KCMF1: variants seen among roughly 807,000 people sequenced by gnomAD.
KCMF1 encodes E3 ubiquitin-protein ligase KCMF1.
In KCMF1, 3 loss-of-function variants were observed where a neutral mutation model predicts 41.1. The observed-to-expected ratio is 0.07, with a 90% CI of 0.03 to 0.19. The LOEUF (loss-of-function observed/expected upper bound fraction) is 0.19, where lower values mean the gene tolerates loss of function less well. KCMF1 is among the 10% of genes least tolerant of loss of function. The probability of loss-of-function intolerance (pLI) is 1.00; values close to 1 mark genes in which losing one functional copy is unlikely to be tolerated. For synonymous variants in KCMF1, 142 were observed against 164.5 expected (o/e 0.86, Z 1.04); for missense variants, 286 against 488.9 (o/e 0.58, Z 3.91).
intron 1 of KCMF1, among the ~76,000 whole-genome samples, chr2:84,982,952 G>A (rs888732694): frequency 6.6e-5 from 10 of 152,300 alleles, no homozygotes; most frequent in South Asian, 2.1e-4. Context: ...TGATAAGAAC[G>A]TCAAGTGACA....
intron 1 of KCMF1, among the ~76,000 whole-genome samples, chr2:85,017,181 C>T (rs1674793177): frequency 6.6e-6 from 1 of 152,072 alleles, no homozygotes; most frequent in East Asian, 1.9e-4. Flanking sequence ...CCCGCCACTG[C>T]GCCCGGCTAA....
intron 3 of KCMF1, among the ~76,000 whole-genome samples, chr2:85,041,131 G>A (rs776939159): frequency 6.6e-6 from 1 of 152,070 alleles, no homozygotes; most frequent in Non-Finnish European, 1.5e-5. Flanking sequence ...CTTATCCTCA[G>A]TAATTCTTTA....
chr2:85,053,386 G>A lies in KCMF1; in HGVS notation c.1123G>A (p.Glu375Lys). 1 of 1,612,872 alleles carries A rather than the reference G, an allele frequency of 6.2e-7. No individual in the cohort carries two copies. Among genetic ancestry groups the A allele is most frequent in the African/African-American group, 1.3e-5 (1 of 74,964 alleles). The change falls in exon 7 of 7, where the codon GAG becomes AAG. Residue 375 changes from glutamate to lysine, a missense_variant. Glu to Lys is a moderately conservative substitution (Grantham distance 56). Around this residue, in one of 2 missense-constraint regions of KCMF1, gnomAD observed 191 missense variants for 279.3 expected, o/e 0.68. Transcript: ENST00000409785. Reference sequence around the variant, plus strand: ...TTTAAAAGAGAGTAATAAAGGAAATGAGCCTCCACCACCTCCTCTTTGATG... The same window carrying A: ...TTTAAAAGAGAGTAATAAAGGAAATAAGCCTCCACCACCTCCTCTTTGATG... ...LNLKESNKGN[E>K]PPPPPL
At chr2:85,010,001 C>G (rs955015345) in intron 1 of KCMF1, among the ~76,000 whole-genome samples, 1 of 152,218 alleles carries the variant, frequency 6.6e-6, no homozygotes, top group African/African-American at 2.4e-5. Flanking sequence ...TTTGCCCATA[C>G]TGGGATTCAG....
At chr2:84,985,910 AG>A (rs1339585278) in intron 1 of KCMF1, among the ~76,000 whole-genome samples, 1 of 152,232 alleles carries the variant, frequency 6.6e-6, no homozygotes, top group Non-Finnish European at 1.5e-5. Flanking sequence ...AATATAACAC[AG>A]AAATATATTT....
intron 1 of KCMF1, among the ~76,000 whole-genome samples, chr2:84,976,455 CT>C (rs1286807316): frequency 1.3e-5 from 2 of 151,974 alleles, no homozygotes; most frequent in African/African-American, 4.8e-5. Flanking sequence ...ATCCACCCAC[CT>C]CAGCCTCCTA....
intron 3 of KCMF1, among the ~76,000 whole-genome samples, chr2:85,042,804 A>G (rs756164589): frequency 1.2e-4 from 18 of 151,926 alleles, no homozygotes; most frequent in Non-Finnish European, 1.2e-4. Context: ...TGTTTCACCA[A>G]TTCTGTTAAC....
At position 85,056,255 on chromosome 2, in the gene KCMF1, C is replaced by G. The variant is rs80353871; in HGVS notation, c.*2846C>G. Reference sequence around the variant, plus strand: ...AAATGAAGTAGGATAGCAGATTACACTATTAGAAATAATAGACGTAACAAA... The same window carrying G: ...AAATGAAGTAGGATAGCAGATTACAGTATTAGAAATAATAGACGTAACAAA... On this transcript the variant is annotated 3_prime_UTR_variant, in exon 7 of 7. Coordinates refer to ENST00000409785, the MANE Select transcript of KCMF1 (RefSeq NM_020122.5). The G allele has an allele frequency of 6.6e-6, 1 of 152,070 alleles. No individual in the cohort carries two copies. The highest frequency in any genetic ancestry group is 2.4e-5 in the African/African-American group (1 of 41,392). 9.4% of individuals were successfully genotyped at this position (152,070 alleles called of 1,614,324 possible).
chr2:84,988,648 C>T (rs2103974409), intron 1 of KCMF1, among the ~76,000 whole-genome samples: 1 of 152,270 alleles, frequency 6.6e-6, no homozygotes, highest in South Asian at 2.1e-4. Flanking sequence ...ATATGTTATT[C>T]CCTTTTACAA....
rs117925796 is a variant in KCMF1, at chr2:85,057,453, G to C, written c.*4044G>C. 8.9e-4 allele frequency: 135 copies of C among 152,372 alleles called. 3 individuals are homozygous for C. The East Asian group carries it at 0.02, about 22-fold the overall frequency. 9.4% of individuals were successfully genotyped at this position (152,372 alleles called of 1,614,324 possible). A position where few individuals can be genotyped will look rare whatever the true frequency, so the allele number is the denominator to read the frequency against. ...CTGGAGTGGGTAGAGGTTAGGGTTA[G>C]AGTGCAGGATGGAGCAGCAGTCTGC... On this transcript the variant is annotated 3_prime_UTR_variant, in exon 7 of 7. Coordinates refer to ENST00000409785, the MANE Select transcript of KCMF1 (RefSeq NM_020122.5).
At chr2:84,975,420 C>T (rs528423188) in intron 1 of KCMF1, among the ~76,000 whole-genome samples, 1 of 152,272 alleles carries the variant, frequency 6.6e-6, no homozygotes, top group Admixed American at 6.5e-5. Flanking sequence ...AGTTCACAGA[C>T]TGAACCAGCT....
intron 1 of KCMF1, among the ~76,000 whole-genome samples, chr2:85,019,960 C>A (rs1415068265): frequency 6.6e-6 from 1 of 151,640 alleles, no homozygotes; most frequent in Non-Finnish European, 1.5e-5. Flanking sequence ...TTAAAAAAAA[C>A]CCTGTTTCCT....
At chr2:85,025,364 A>C (rs1675072474) in intron 1 of KCMF1, among the ~76,000 whole-genome samples, 1 of 152,154 alleles carries the variant, frequency 6.6e-6, no homozygotes, top group South Asian at 2.1e-4. Context: ...ATTGCAGTAA[A>C]ATATACATAG....
Position 85,049,572 on chromosome 2 carries a change from T to A in KCMF1, c.808T>A (p.Ser270Thr). 1 of 1,613,916 alleles carries A rather than the reference T, an allele frequency of 6.2e-7. No individual in the cohort carries two copies. Among genetic ancestry groups the A allele is most frequent in the Non-Finnish European group, 8.5e-7 (1 of 1,179,872 alleles). The change falls in exon 6 of 7, where the codon TCC (serine) becomes ACC (threonine). Residue 270 changes from serine (S) to threonine (T), a missense_variant. Ser to Thr is a moderately conservative substitution (Grantham distance 58, BLOSUM62 1). Coordinates refer to ENST00000409785, the MANE Select transcript of KCMF1 (RefSeq NM_020122.5). Reference protein sequence around the residue: ...TSSVTTTITQSTATTNIANTE... With the variant: ...TSSVTTTITQTTATTNIANTE... ...CAGTGTCACCACTACAATCACACAA[T>A]CCACAGCAACAACCAACATAGCTAA... is the stretch of plus-strand genomic sequence containing the variant.
At chr2:85,027,753 G>A (rs139698560) in intron 1 of KCMF1, 136 bp from the exon 2 acceptor site, 193 of 603,184 alleles carry the variant, frequency 3.2e-4, no homozygotes, top group African/African-American at 3.2e-3. Flanking sequence ...AAAACTTCCC[G>A]TATCATTTTA....
chr2:85,032,990 T>C (rs1408507309), intron 2 of KCMF1, among the ~76,000 whole-genome samples: 1 of 152,242 alleles, frequency 6.6e-6, no homozygotes, highest in Admixed American at 6.5e-5. Flanking sequence ...TGTCTTGTTC[T>C]GATCTTAGGG....
At chr2:84,984,261 C>T (rs1451455188) in intron 1 of KCMF1, among the ~76,000 whole-genome samples, 3 of 151,586 alleles carry the variant, frequency 2.0e-5, no homozygotes, top group South Asian at 2.1e-4. Context: ...TAAAGTAGCC[C>T]ACACTCTATA....
chr2:85,027,163 G>A (rs1675127974), intron 1 of KCMF1, among the ~76,000 whole-genome samples: 1 of 152,060 alleles, frequency 6.6e-6, no homozygotes, highest in African/African-American at 2.4e-5. Context: ...TGCATTGAGA[G>A]TATATTAGGG....
intron 2 of KCMF1, among the ~76,000 whole-genome samples, chr2:85,029,681 T>A: frequency 6.8e-6 from 1 of 148,006 alleles, no homozygotes; most frequent in Middle Eastern, 3.4e-3. Flanking sequence ...GCTATAATTT[T>A]TTTTTTTTTT....
Sources: gnomAD v4.1 joint callset for allele counts (sites outside exome capture counted in the v4.1 genomes callset) on GRCh38, gnomAD v4.1.1 for gene constraint, gnomAD v4.1.1 regional missense constraint, MANE v1.5 for transcripts, NCBI Gene and HGNC (gene_info 2026-07-23, HGNC 2026-07-21) for gene names.